PTPRD: variants seen among roughly 807,000 people sequenced by gnomAD.
PTPRD encodes receptor-type tyrosine-protein phosphatase delta.
In PTPRD, 34 loss-of-function variants were observed where a neutral mutation model predicts 214.5. The ratio of observed to expected loss-of-function variants is 0.16; its 90% CI spans 0.12 to 0.21. The LOEUF (loss-of-function observed/expected upper bound fraction) is 0.21. Ranked by LOEUF, PTPRD falls within the 10% of genes least tolerant of loss-of-function variation. PTPRD has a pLI of 1.00. For synonymous variants in PTPRD, 1,128 were observed against 845.7 expected (o/e 1.33, Z -5.79); for missense variants, 2,545 against 2,398.7 (o/e 1.06, Z -1.27).
intron 9 of PTPRD, among the ~76,000 whole-genome samples, chr9:9,208,050 C>T (rs1490021415): frequency 3.9e-4 from 5 of 12,762 alleles, no homozygotes; most frequent in Non-Finnish European, 1.1e-3. Context: ...GACAGAGCTT[C>T]GCTCTCTCTC....
chr9:9,487,332 T>C (rs13299036), intron 8 of PTPRD, among the ~76,000 whole-genome samples: 12,250 of 152,068 alleles, frequency 0.081, 604 homozygotes, highest in South Asian at 0.14. Flanking sequence ...GTCCTTGCGA[T>C]AGTTTGCTGA....
chr9:8,716,343 C>T (rs530961365), intron 12 of PTPRD, among the ~76,000 whole-genome samples: 23 of 152,316 alleles, frequency 1.5e-4, no homozygotes, highest in Admixed American at 1.2e-3. Flanking sequence ...GGTTAAAGTA[C>T]TTCAAATGTG....
chr9:9,149,326 T>C lies in PTPRD; in HGVS notation c.-143+33978A>G, dbSNP rs184016805. 4.6e-5 allele frequency among the ~76,000 whole-genome samples: 7 copies of C among 152,344 alleles called. No individual in the cohort carries two copies. In the East Asian group the frequency reaches 9.6e-4, roughly 21 times the overall value. ...TGTTAGCTATTGTTATTGCCATTAT[T>C]AATTATTTATCATATATTTGCAATG... On this transcript the variant is annotated intron_variant, in intron 10 of 45. Coordinates refer to ENST00000381196, the MANE Select transcript of PTPRD (RefSeq NM_002839.4).
At chr9:9,273,242 C>G (rs1425301167) in intron 9 of PTPRD, among the ~76,000 whole-genome samples, 1 of 151,226 alleles carries the variant, frequency 6.6e-6, no homozygotes, top group East Asian at 2.0e-4. Flanking sequence ...GACCTAACTA[C>G]CAAATAAATG....
intron 35 of PTPRD, among the ~76,000 whole-genome samples, chr9:8,428,493 T>C (rs946894326): frequency 6.6e-6 from 1 of 152,194 alleles, no homozygotes; most frequent in African/African-American, 2.4e-5. Context: ...TTGTGACTCA[T>C]ATGTCAAAAA....
chr9:9,258,740 T>C (rs1594715546), intron 9 of PTPRD, among the ~76,000 whole-genome samples: 1 of 151,890 alleles, frequency 6.6e-6, no homozygotes. Context: ...ACAGCAGCAT[T>C]CTCAAGCAAA....
At chr9:9,213,628 T>A (rs962628674) in intron 9 of PTPRD, among the ~76,000 whole-genome samples, 5 of 152,180 alleles carry the variant, frequency 3.3e-5, no homozygotes, top group Non-Finnish European at 5.9e-5. Context: ...TTTTAGTCAC[T>A]TTGTATTCAA....
intron 8 of PTPRD, among the ~76,000 whole-genome samples, chr9:9,567,310 G>A (rs895845783): frequency 2.6e-5 from 4 of 151,900 alleles, no homozygotes; most frequent in African/African-American, 9.7e-5. Context: ...CAGGATGGGT[G>A]AAGGCACCAG....
chr9:9,724,477 T>C lies in PTPRD; in HGVS notation c.-287+10056A>G, dbSNP rs376476451. ...ATAACCTGATGTACATATGAATATA[T>C]ATTGAGGTAGTAAGGCTTGGATAGC... On this transcript the variant is annotated intron_variant, in intron 7 of 45. Transcript: ENST00000381196. Among the ~76,000 whole-genome samples the C allele has an allele frequency of 3.0e-3, 456 of 152,270 alleles. 3 individuals carry two copies. Among genetic ancestry groups the C allele is most frequent in the African/African-American group, 0.01 (432 of 41,558 alleles).
intron 4 of PTPRD, among the ~76,000 whole-genome samples, chr9:9,973,904 A>G (rs1587882534): frequency 6.6e-6 from 1 of 152,188 alleles, no homozygotes; most frequent in Admixed American, 6.5e-5. Flanking sequence ...CTAATGAAAA[A>G]TTGAGAGGTG....
At chr9:9,082,384 C>T (rs1344287929) in intron 10 of PTPRD, among the ~76,000 whole-genome samples, 2 of 151,980 alleles carry the variant, frequency 1.3e-5, no homozygotes, top group African/African-American at 2.4e-5. Context: ...ACAGAAAAGG[C>T]CTTCAATAAA....
chr9:10,611,898 C>T (rs1475395128), intron 2 of PTPRD, among the ~76,000 whole-genome samples: 1 of 131,878 alleles, frequency 7.6e-6, no homozygotes, highest in African/African-American at 2.8e-5. Flanking sequence ...TTAACTTTCC[C>T]TTTTCCGCCC....
rs899790262 is a variant in PTPRD, at chr9:8,639,236, T to A, written c.65-2392A>T. Among the ~76,000 whole-genome samples the A allele has an allele frequency of 1.2e-4, 18 of 152,290 alleles. No individual in the cohort carries two copies. In the East Asian group the frequency reaches 3.5e-3, roughly 29 times the overall value. ...AAACAAATGAAAAATATATTACAAG[T>A]TTTTATATTTATCTTTCTGCTGTTT... On this transcript the variant is annotated intron_variant, in intron 12 of 45. Coordinates refer to ENST00000381196, the MANE Select transcript of PTPRD (RefSeq NM_002839.4).
chr9:8,320,065 G>A (rs3739578), intron 44 of PTPRD, 99 bp from the exon 45 acceptor site: 250,178 of 1,408,540 alleles, frequency 0.18, 26,190 homozygotes, highest in East Asian at 0.39. Flanking sequence ...TCCACACTCC[G>A]TATCTCTTTA....
At chr9:9,292,651 A>G (rs1303482568) in intron 9 of PTPRD, among the ~76,000 whole-genome samples, 1 of 150,992 alleles carries the variant, frequency 6.6e-6, no homozygotes, top group Non-Finnish European at 1.5e-5. Context: ...TGCCTTAGTT[A>G]TTACCTAATG....
At chr9:8,607,471 C>T (rs1428290819) in intron 14 of PTPRD, among the ~76,000 whole-genome samples, 1 of 151,962 alleles carries the variant, frequency 6.6e-6, no homozygotes, top group Non-Finnish European at 1.5e-5. Context: ...GGTGAAACCC[C>T]GTCTCTACAA....
chr9:10,300,823 C>CG (rs1193256150), intron 3 of PTPRD, among the ~76,000 whole-genome samples: 2 of 152,046 alleles, frequency 1.3e-5, no homozygotes, highest in African/African-American at 4.8e-5. Flanking sequence ...GGGGAAGGGG[C>CG]GGCTGTGGGT....
Position 10,512,496 on chromosome 9 carries a change from A to G in PTPRD, c.-600+99902T>C, listed in dbSNP as rs185467880. 1.3e-3 allele frequency among the ~76,000 whole-genome samples: 203 copies of G among 152,244 alleles called. 3 individuals are homozygous for G. The highest frequency in any genetic ancestry group is 4.5e-3 in the African/African-American group (189 of 41,556). On this transcript the variant is annotated intron_variant, in intron 2 of 45. Transcript: ENST00000381196. ...GATAGTGCTCCTATGATCCATAAGT[A>G]TGCGGTGGTGGGTTGGGGGGAATGG... is the stretch of plus-strand genomic sequence containing the variant.
At chr9:9,748,391 T>C (rs954266549) in intron 6 of PTPRD, among the ~76,000 whole-genome samples, 1 of 152,166 alleles carries the variant, frequency 6.6e-6, no homozygotes, top group Non-Finnish European at 1.5e-5. Context: ...CCATATTCTA[T>C]CAATGAGCTA....
Sources: gnomAD v4.1 joint callset for allele counts (sites outside exome capture counted in the v4.1 genomes callset) on GRCh38, gnomAD v4.1.1 for gene constraint, MANE v1.5 for transcripts, NCBI Gene and HGNC (gene_info 2026-07-23, HGNC 2026-07-21) for gene names.